The following CERKL variants were observed in gnomAD, a reference collection of about 807,000 sequenced individuals.
CERKL encodes the protein ceramide kinase-like protein.
Under a neutral mutation model 63.4 loss-of-function variants are expected in CERKL, and 61 were observed. The ratio of observed to expected loss-of-function variants is 0.96; its 90% CI spans 0.78 to 1.19. The LOEUF is 1.19. Ranked by LOEUF, CERKL falls within the 50% of genes most tolerant of loss-of-function variation. The pLI, the probability that CERKL is intolerant of heterozygous loss-of-function variation, is 0.00. For missense variants in CERKL, 675 were observed against 655.5 expected (o/e 1.03, Z -0.33); for synonymous variants, 250 against 230.5 (o/e 1.08, Z -0.77).
intron 11 of CERKL, 31 bp downstream of exon 11, chr2:181,544,669 G>A: frequency 7.9e-7 from 1 of 1,268,946 alleles, no homozygotes; most frequent in African/African-American, 1.5e-5. Context: ...TAATAGCTTT[G>A]CAAATAAGTA....
chr2:181,579,903 G>T (rs1488885375), intron 2 of CERKL, among the ~76,000 whole-genome samples: 1 of 151,684 alleles, frequency 6.6e-6, no homozygotes, highest in Non-Finnish European at 1.5e-5. Flanking sequence ...TATGTGTTTG[G>T]ATCTCTTTCT....
intron 1 of CERKL, among the ~76,000 whole-genome samples, chr2:181,642,507 C>T (rs1187369911): frequency 5.9e-5 from 9 of 152,126 alleles, no homozygotes; most frequent in Admixed American, 5.9e-4. Flanking sequence ...ACTTAAAGCT[C>T]AAGAAAATCA....
intron 3 of CERKL, among the ~76,000 whole-genome samples, chr2:181,566,916 T>C (rs1349280754): frequency 6.6e-6 from 1 of 152,162 alleles, no homozygotes; most frequent in East Asian, 1.9e-4. Flanking sequence ...CTGACTGACA[T>C]GACATTGCAG....
At chr2:181,561,825 T>TATTTC (rs1235793566) in intron 4 of CERKL, among the ~76,000 whole-genome samples, 1 of 151,958 alleles carries the variant, frequency 6.6e-6, no homozygotes, top group African/African-American at 2.4e-5. Context: ...TATTTTATTT[T>TATTTC]ATTTTTGAGA....
Position 181,550,637 on chromosome 2 carries a change from T to C in CERKL, c.821-929A>G, listed in dbSNP as rs765458891. On this transcript the variant is annotated intron_variant, in intron 5 of 12. Coordinates refer to ENST00000410087, the MANE Select transcript of CERKL (RefSeq NM_201548.5). The surrounding 1 kb of genome is among the most constrained non-coding windows in gnomAD (Gnocchi z 4.5). ...CGGTTATGAAGGCAAAGACCAGTCC[T>C]CTGGATTTTGTTAATCAGAAGCATT... is the stretch of plus-strand genomic sequence containing the variant. Among the ~76,000 whole-genome samples the C allele has an allele frequency of 1.2e-4, 18 of 152,160 alleles. No homozygotes were observed. The highest frequency in any genetic ancestry group is 4.4e-5 in the Non-Finnish European group (3 of 68,020).
At position 181,566,124 on chromosome 2, in the gene CERKL, A is replaced by G; in HGVS notation, c.614-3T>C. 1 of 1,609,714 alleles carries G rather than the reference A, an allele frequency of 6.2e-7. No individual in the cohort carries two copies. The highest frequency in any genetic ancestry group is 8.5e-7 in the Non-Finnish European group (1 of 1,176,370). ...AGCGTGCCCTTCATATTCCATTACTATTAAAAAAACACACACACATACACA... is the reference window on the plus strand; with the variant it reads ...AGCGTGCCCTTCATATTCCATTACTGTTAAAAAAACACACACACATACACA... On this transcript the variant is annotated splice_region_variant and splice_polypyrimidine_tract_variant and intron_variant, in intron 3 of 12. Coordinates refer to ENST00000410087, the MANE Select transcript of CERKL (RefSeq NM_201548.5).
At chr2:181,652,619 G>C (rs1161861866) in intron 1 of CERKL, among the ~76,000 whole-genome samples, 1 of 152,008 alleles carries the variant, frequency 6.6e-6, no homozygotes, top group Non-Finnish European at 1.5e-5. Context: ...GACAAAATAA[G>C]ATTACATCAA....
intron 3 of CERKL, among the ~76,000 whole-genome samples, chr2:181,568,822 C>T (rs377552902): frequency 2.4e-4 from 37 of 151,652 alleles, no homozygotes; most frequent in African/African-American, 8.5e-4. Context: ...TCTCCCGATG[C>T]TATCCCTCCC....
intron 11 of CERKL, among the ~76,000 whole-genome samples, chr2:181,540,262 C>T (rs1358649059): frequency 6.6e-6 from 1 of 152,154 alleles, no homozygotes; most frequent in African/African-American, 2.4e-5. Flanking sequence ...TGCGTTAGAC[C>T]TCCTACCTCG....
intron 1 of CERKL, among the ~76,000 whole-genome samples, chr2:181,646,841 G>A (rs1268996430): frequency 6.6e-6 from 1 of 152,186 alleles, no homozygotes; most frequent in East Asian, 1.9e-4. Flanking sequence ...AAAGAACAAA[G>A]CCAGGTCTCA....
At chr2:181,621,109 T>C (rs779694646) in intron 1 of CERKL, among the ~76,000 whole-genome samples, 42 of 152,198 alleles carry the variant, frequency 2.8e-4, no homozygotes, top group Non-Finnish European at 4.7e-4. Context: ...ATATATTTGG[T>C]TTTCATTTTT....
rs762060073 is a variant in CERKL at position 181,538,051 on chromosome 2, T to TC, written c.*132dup. ...GTGGAACAGTTCATCCTGAAACCAT[T>TC]CCCCCATCCACGGAAAAATTGTCTT... On this transcript the variant is annotated 3_prime_UTR_variant, in exon 13 of 13. Coordinates refer to ENST00000410087, the MANE Select transcript of CERKL (RefSeq NM_201548.5). 7.2e-5 allele frequency: 51 copies of TC among 705,030 alleles called. No homozygotes were observed. The African/African-American group carries it at 7.6e-4, about 10-fold the overall frequency. The allele number at this position is 705,030 out of a possible 1,614,324, so 43.7% of individuals were successfully genotyped here.
At chr2:181,596,220 C>G (rs1179083005) in intron 2 of CERKL, among the ~76,000 whole-genome samples, 3 of 152,152 alleles carry the variant, frequency 2.0e-5, no homozygotes, top group African/African-American at 7.2e-5. Flanking sequence ...TACTTCTTAA[C>G]TCTTATTCTC....
chr2:181,609,007 A>G, intron 1 of CERKL, among the ~76,000 whole-genome samples: 1 of 152,214 alleles, frequency 6.6e-6, no homozygotes, highest in East Asian at 1.9e-4. Flanking sequence ...CTCGTGTGGG[A>G]TAAAGAGCCA....
chr2:181,584,793 T>G (rs1684688812), intron 2 of CERKL, among the ~76,000 whole-genome samples: 2 of 151,816 alleles, frequency 1.3e-5, no homozygotes, highest in Admixed American at 1.3e-4. Context: ...ACTTTTCTAT[T>G]AAAATCCCCA....
At chr2:181,609,629 C>T (rs571001106) in intron 1 of CERKL, among the ~76,000 whole-genome samples, 1 of 151,484 alleles carries the variant, frequency 6.6e-6, no homozygotes, top group Non-Finnish European at 1.5e-5. Context: ...TCCCTTGAAC[C>T]CAGGAGGCGG....
intron 2 of CERKL, among the ~76,000 whole-genome samples, chr2:181,584,840 T>C (rs1218611780): frequency 6.6e-6 from 1 of 151,798 alleles, no homozygotes; most frequent in Non-Finnish European, 1.5e-5. Flanking sequence ...TGTTTTTGTT[T>C]TTTTCAGAAT....
At chr2:181,596,565 A>G (rs1685217524) in intron 2 of CERKL, among the ~76,000 whole-genome samples, 1 of 152,216 alleles carries the variant, frequency 6.6e-6, no homozygotes, top group Admixed American at 6.5e-5. Context: ...CCAGTCATAC[A>G]GTAAAACTCT....
intron 2 of CERKL, among the ~76,000 whole-genome samples, chr2:181,587,973 A>G (rs1036288588): frequency 6.6e-6 from 1 of 152,178 alleles, no homozygotes; most frequent in Non-Finnish European, 1.5e-5. Context: ...AAGACCAATT[A>G]GAGAGTTTAA....
Sources: gnomAD v4.1 joint callset for allele counts (sites outside exome capture counted in the v4.1 genomes callset) on GRCh38, gnomAD v4.1.1 for gene constraint, Gnocchi (gnomAD v3.1) non-coding constraint, MANE v1.5 for transcripts, NCBI Gene and HGNC (gene_info 2026-07-23, HGNC 2026-07-21) for gene names.